NBPF20: variants seen among roughly 807,000 people sequenced by gnomAD.
The protein encoded by NBPF20 is NBPF member 20.
In NBPF20, 90 loss-of-function variants were observed where a neutral mutation model predicts 68.1. The ratio of observed to expected loss-of-function variants is 1.32; its 90% CI spans 1.11 to 1.58. The LOEUF is 1.58. NBPF20 is among the 40% of genes most tolerant of loss of function. The pLI, the probability that NBPF20 is intolerant of heterozygous loss-of-function variation, is 0.00. For synonymous variants in NBPF20, 290 were observed against 228.1 expected (o/e 1.27, Z -2.45); for missense variants, 816 against 601.2 (o/e 1.36, Z -3.74).
At chr1:145,311,798 G>C (rs1661488400) in intron 112 of NBPF20, among the ~76,000 whole-genome samples, 3 of 88,328 alleles carry the variant, frequency 3.4e-5, no homozygotes. Flanking sequence ...ATGGTTGCTA[G>C]GAGAAAAACT....
chr1:145,410,800 A>G, the NBPF20 span, among the ~76,000 whole-genome samples: 4 of 80,202 alleles, frequency 5.0e-5, no homozygotes, highest in Non-Finnish European at 7.4e-5. Flanking sequence ...ATATATACGT[A>G]TATGTATATA....
At chr1:145,403,216 C>T (rs1325099408) in exon 3 of NBPF20, 152 of 1,612,348 alleles carry the variant, frequency 9.4e-5, no homozygotes, top group Non-Finnish European at 1.2e-4. Flanking sequence ...GTCCCCTCAC[C>T]TGAGCTCCTC....
At chr1:145,404,165 C>T (rs1662657757) in intron 2 of NBPF20, among the ~76,000 whole-genome samples, 1 of 148,810 alleles carries the variant, frequency 6.7e-6, no homozygotes, top group Non-Finnish European at 1.5e-5. Context: ...GATCTTTCTT[C>T]CTCTTTAGGA....
chr1:145,295,267 C>T (rs1455295336), intron 133 of NBPF20: 1 of 472,990 alleles, frequency 2.1e-6, no homozygotes. Flanking sequence ...CCTCGGGACA[C>T]ACAGCGAACA....
Position 145,393,870 on chromosome 1 carries a change from T to A in NBPF20, c.1043+14A>T. 6.5e-7 allele frequency: 1 copy of A among 1,543,906 alleles called. No individual in the cohort carries two copies. The highest frequency in any genetic ancestry group is 8.9e-7 in the Non-Finnish European group (1 of 1,129,086). ...TCAACATCAAATTAACTCTCCACAA[T>A]TTCTCAGACTCACCTGGGACCTGTT... On this transcript the variant is annotated intron_variant, in intron 9 of 137. Transcript: ENST00000369373.
upstream of NBPF20, among the ~76,000 whole-genome samples, chr1:145,406,636 A>G (rs1208148342): frequency 6.7e-6 from 1 of 149,912 alleles, no homozygotes; most frequent in Middle Eastern, 3.2e-3. Flanking sequence ...CCAGGTGTGT[A>G]GTGATATCAT....
exon 36 of NBPF20, chr1:145,372,610 G>C: frequency 4.3e-6 from 1 of 229,970 alleles, no homozygotes; most frequent in South Asian, 2.8e-5. Context: ...ATAACCTGAA[G>C]GAGTCGAATA....
At chr1:145,412,156 T>C in the NBPF20 span, among the ~76,000 whole-genome samples, 1 of 151,010 alleles carries the variant, frequency 6.6e-6, no homozygotes, top group Non-Finnish European at 1.5e-5. Flanking sequence ...CTGCTTCTCT[T>C]CCACTATCTC....
At chr1:145,395,089 C>T in exon 8 of NBPF20, 2 of 1,609,212 alleles carry the variant, frequency 1.2e-6, no homozygotes, top group Non-Finnish European at 1.7e-6. Context: ...GTCGAATAAC[C>T]TTCATCCCAG....
chr1:145,311,824 G>C (rs1192735823), intron 112 of NBPF20, among the ~76,000 whole-genome samples: 2 of 101,392 alleles, frequency 2.0e-5, no homozygotes, highest in Non-Finnish European at 3.9e-5. Context: ...ATTCAGCCCT[G>C]TCTCATCAAA....
the NBPF20 span, among the ~76,000 whole-genome samples, chr1:145,422,019 C>G: frequency 2.6e-5 from 4 of 151,028 alleles, no homozygotes; most frequent in Non-Finnish European, 2.9e-5. Flanking sequence ...GCCTGGGAAA[C>G]AGAGCGAGAC....
chr1:145,417,467 C>T, the NBPF20 span, among the ~76,000 whole-genome samples: 107 of 146,640 alleles, frequency 7.3e-4, 1 homozygote, highest in African/African-American at 2.5e-3. Context: ...TAAGTTGAGC[C>T]TCATTAAAAT....
intron 115 of NBPF20, among the ~76,000 whole-genome samples, chr1:145,309,511 G>C (rs1239815465): frequency 2.7e-5 from 2 of 75,390 alleles, no homozygotes; most frequent in Middle Eastern, 5.7e-3. Flanking sequence ...GAGAGAGAAC[G>C]AGCTCAGTGA....
the NBPF20 span, among the ~76,000 whole-genome samples, chr1:145,416,217 C>T: frequency 1.4e-5 from 2 of 142,582 alleles, no homozygotes; most frequent in African/African-American, 2.6e-5. Flanking sequence ...ATTTTAATAG[C>T]AGATTTTAAA....
intron 9 of NBPF20, 39 bp from the exon 15 acceptor site, chr1:145,393,285 A>G (rs1253045242): frequency 4.8e-5 from 32 of 665,534 alleles, no homozygotes; most frequent in Non-Finnish European, 8.4e-5. Context: ...AGCCAGGGGG[A>G]ATCAGAAACC....
rs1553663155 is a variant in NBPF20 at position 145,394,205 on chromosome 1, T to C, written c.992-270A>G. 2.6e-5 allele frequency among the ~76,000 whole-genome samples: 4 copies of C among 152,034 alleles called. 1 individual carries two copies. The highest frequency in any genetic ancestry group is 7.3e-5 in the African/African-American group (3 of 41,294). ...GCTTCTGTACACAAATGAGAAATTT[T>C]TTCCCCAATAAATTGTAGGCAAATA... On this transcript the variant is annotated intron_variant, in intron 8 of 137. Transcript: ENST00000369373.
At chr1:145,395,080 T>C (rs1662158151) in exon 8 of NBPF20, 1 of 1,609,334 alleles carries the variant, frequency 6.2e-7, no homozygotes, top group South Asian at 1.1e-5. Context: ...ATTGAGAGAG[T>C]CGAATAACCT....
chr1:145,292,627 G>C (rs1230234675), intron 136 of NBPF20, 138 bp from the exon 142 acceptor site: 5 of 739,486 alleles, frequency 6.8e-6, no homozygotes, highest in African/African-American at 1.9e-5. Context: ...TATTTCAGGA[G>C]GCCTGAAGGC....
At chr1:145,402,433 C>T (rs1399827981) in intron 3 of NBPF20, 52 bp from the exon 9 acceptor site, 30 of 1,591,576 alleles carry the variant, frequency 1.9e-5, no homozygotes, top group African/African-American at 2.7e-5. Flanking sequence ...CAGTGATCCG[C>T]TCAAATATTG....
Sources: allele counts gnomAD v4.1 joint callset (sites outside exome capture counted in the v4.1 genomes callset), GRCh38; gene constraint gnomAD v4.1.1; transcripts MANE v1.5; gene names NCBI Gene and HGNC (gene_info 2026-07-23, HGNC 2026-07-21).